Variants in COX4I1 observed in about 807,000 individuals in gnomAD.
COX4I1 encodes the protein cytochrome c oxidase subunit 4I1.
Under a neutral mutation model 21.7 loss-of-function variants are expected in COX4I1, and 18 were observed. The ratio of observed to expected loss-of-function variants is 0.83; its 90% CI spans 0.57 to 1.23. COX4I1 has a LOEUF of 1.23. COX4I1 is among the 50% of genes most tolerant of loss of function. The probability of loss-of-function intolerance (pLI) is 0.00; values close to 1 mark genes in which losing one functional copy is unlikely to be tolerated. For missense variants in COX4I1, 238 were observed against 220.7 expected, an observed-to-expected ratio of 1.08 and a Z score of -0.50; for synonymous variants, 100 against 81.5, an observed-to-expected ratio of 1.23 and a Z score of -1.23.
chr16:85,802,749 A>C (rs1905870917), intron 2 of COX4I1, among the ~76,000 whole-genome samples: 1 of 152,156 alleles, frequency 6.6e-6, no homozygotes, highest in Non-Finnish European at 1.5e-5. Context: ...CTCTCTCTCT[A>C]AAAGAAATGT....
chr16:85,805,636 C>G, intron 3 of COX4I1, 97 bp from the exon 4 acceptor site: 2 of 1,560,108 alleles, frequency 1.3e-6, no homozygotes, highest in Non-Finnish European at 1.7e-6. Flanking sequence ...GTGTTTCCTC[C>G]TTCACAAGTG....
At position 85,799,890 on chromosome 16, in the gene COX4I1, A is replaced by T. The variant is rs1398097483; in HGVS notation, c.-2+138A>T. The T allele has an allele frequency of 2.0e-5, 3 of 152,286 alleles. No homozygotes were observed. In the East Asian group the frequency reaches 5.8e-4, roughly 30 times the overall value. 9.4% of individuals were successfully genotyped at this position (152,286 alleles called of 1,614,324 possible). A position where few individuals can be genotyped will look rare whatever the true frequency, so the allele number is the denominator to read the frequency against. ...CGAATGGGCCTCGGAGCCAGGTGACATTGAGGCCGGCCCGTGGGGACTCCG... is the reference window on the plus strand; with the variant it reads ...CGAATGGGCCTCGGAGCCAGGTGACTTTGAGGCCGGCCCGTGGGGACTCCG... On this transcript the variant is annotated intron_variant, in intron 1 of 4. Coordinates refer to ENST00000253452, the MANE Select transcript of COX4I1 (RefSeq NM_001861.6). The surrounding 1 kb of genome is among the most constrained non-coding windows in gnomAD (Gnocchi z 4.2).
intron 1 of COX4I1, among the ~76,000 whole-genome samples, chr16:85,800,127 C>T (rs987701196): frequency 1.3e-5 from 2 of 152,166 alleles, no homozygotes; most frequent in South Asian, 4.1e-4. Context: ...CCGGGTTTTG[C>T]GGGGCTCCCG....
At chr16:85,805,933 C>G in intron 4 of COX4I1, 69 bp downstream of exon 4, 1 of 1,599,540 alleles carries the variant, frequency 6.3e-7, no homozygotes, top group African/African-American at 1.3e-5. Context: ...CATTGGTGGG[C>G]TGTCGGGGAC....
intron 2 of COX4I1, chr16:85,803,185 G>A (rs1422981705): frequency 6.6e-6 from 1 of 152,134 alleles, no homozygotes; most frequent in African/African-American, 2.4e-5. Flanking sequence ...GTATACAAGT[G>A]TTCTTTATAG....
At chr16:85,800,383 C>T (rs899463971) in intron 1 of COX4I1, among the ~76,000 whole-genome samples, 1 of 152,214 alleles carries the variant, frequency 6.6e-6, no homozygotes, top group African/African-American at 2.4e-5. Context: ...ATAGGTTTTC[C>T]GCTCTCCTCA....
chr16:85,803,709 T>G (rs2152082997), intron 2 of COX4I1: 1 of 152,378 alleles, frequency 6.6e-6, no homozygotes, highest in South Asian at 2.1e-4. Context: ...AGTTTGTGGC[T>G]TGCCTTGTCT....
intron 2 of COX4I1, among the ~76,000 whole-genome samples, chr16:85,802,904 C>G (rs2733956): frequency 3.3e-5 from 5 of 152,210 alleles, no homozygotes; most frequent in Admixed American, 6.5e-5. Context: ...TGAGGGTTTA[C>G]GTCGTTATAA....
At position 85,801,255 on chromosome 16, in the gene COX4I1, C is replaced by G; in HGVS notation, c.50C>G (p.Thr17Ser). 6.2e-7 allele frequency: 1 copy of G among 1,611,064 alleles called. No homozygotes were observed. The highest frequency in any genetic ancestry group is 8.5e-7 in the Non-Finnish European group (1 of 1,177,406). Residue 17 changes from threonine (T) to serine (S), a missense_variant, in exon 2 of 5, where the codon ACC becomes AGC. Thr to Ser is a moderately conservative substitution (Grantham distance 58). Coordinates refer to ENST00000253452, the MANE Select transcript of COX4I1 (RefSeq NM_001861.6). ...CTAGTTGGCAAGCGAGCAATTTCCA[C>G]CTCTGTGTGTGTACGAGCTCATGGT... ...FSLVGKRAISTSVCVRAHESV... is the reference protein window; with the variant it reads ...FSLVGKRAISSSVCVRAHESV...
Position 85,801,216 on chromosome 16 carries a change from C to T in COX4I1, c.11C>T (p.Thr4Ile), listed in dbSNP as rs1359855595. 1.2e-6 allele frequency: 2 copies of T among 1,608,078 alleles called. No homozygotes were observed. Among genetic ancestry groups the T allele is most frequent in the South Asian group, 1.1e-5 (1 of 90,836 alleles). The change falls in exon 2 of 5, where the codon ACC becomes ATC. Residue 4 changes from threonine to isoleucine, a missense_variant. Thr to Ile is a moderately conservative substitution (Grantham distance 89, BLOSUM62 -1). Coordinates refer to ENST00000253452, the MANE Select transcript of COX4I1 (RefSeq NM_001861.6). MLA[T>I]RVFSLVGKRA... ...TTTTTATCTTTCAGAATGTTGGCTACCAGGGTATTTAGCCTAGTTGGCAAG... is the reference window on the plus strand; with the variant it reads ...TTTTTATCTTTCAGAATGTTGGCTATCAGGGTATTTAGCCTAGTTGGCAAG...
intron 1 of COX4I1, 98 bp from the exon 2 acceptor site, chr16:85,801,107 C>G: frequency 2.1e-6 from 2 of 965,456 alleles, no homozygotes; most frequent in Admixed American, 1.9e-5. Context: ...TGGGGAGAAG[C>G]AAACAAAAAA....
chr16:85,806,464 G>A, intron 4 of COX4I1: 1 of 704,034 alleles, frequency 1.4e-6, no homozygotes, highest in Non-Finnish European at 2.6e-6. Context: ...AGGTCACCTT[G>A]GGCTCTGTTT....
At chr16:85,803,257 A>C (rs1247785256) in intron 2 of COX4I1, 1 of 152,202 alleles carries the variant, frequency 6.6e-6, no homozygotes, top group East Asian at 1.9e-4. Flanking sequence ...GGCCATTTCC[A>C]TCTCCTGTCC....
At chr16:85,800,712 C>T (rs1257384859) in intron 1 of COX4I1, among the ~76,000 whole-genome samples, 3 of 152,152 alleles carry the variant, frequency 2.0e-5, no homozygotes, top group Non-Finnish European at 4.4e-5. Context: ...CAGTCTCTAC[C>T]TCCCGGGTTC....
At chr16:85,801,052 A>G (rs1905701242) in intron 1 of COX4I1, 153 bp from the exon 2 acceptor site, 1 of 580,598 alleles carries the variant, frequency 1.7e-6, no homozygotes, top group African/African-American at 1.8e-5. Flanking sequence ...ATCCTAGGTC[A>G]TTTTGTGAAT....
intron 4 of COX4I1, chr16:85,806,378 G>A: frequency 1.0e-5 from 7 of 683,122 alleles, no homozygotes; most frequent in South Asian, 3.1e-5. Flanking sequence ...TTTGCATTCT[G>A]AATAGGTATA....
intron 1 of COX4I1, among the ~76,000 whole-genome samples, chr16:85,800,090 C>T (rs963938293): frequency 3.3e-5 from 5 of 152,340 alleles, no homozygotes; most frequent in Non-Finnish European, 7.3e-5. Flanking sequence ...GCCCTTGCTC[C>T]TTCAAAAGGT....
chr16:85,805,523 G>T, intron 3 of COX4I1: 1 of 642,928 alleles, frequency 1.6e-6, no homozygotes. Context: ...CGAACTGTAT[G>T]CATTTTCTTC....
intron 1 of COX4I1, 44 bp from the exon 2 acceptor site, chr16:85,801,161 G>T: frequency 6.6e-7 from 1 of 1,520,386 alleles, no homozygotes; most frequent in East Asian, 2.3e-5. Context: ...ATTCCTTGCT[G>T]TTTGTCCTTA....
Sources: gnomAD v4.1 joint callset for allele counts (sites outside exome capture counted in the v4.1 genomes callset) on GRCh38, gnomAD v4.1.1 for gene constraint, Gnocchi (gnomAD v3.1) non-coding constraint, MANE v1.5 for transcripts, NCBI Gene and HGNC (gene_info 2026-07-23, HGNC 2026-07-21) for gene names.